The following DIP2C variants were observed in gnomAD, a reference collection of about 807,000 sequenced individuals.
The protein encoded by DIP2C is DIP2 acetate--CoA ligase C (putative).
Under a neutral mutation model 192.4 loss-of-function variants are expected in DIP2C, and 33 were observed. The ratio of observed to expected loss-of-function variants is 0.17; its 90% CI spans 0.13 to 0.23. DIP2C has a LOEUF of 0.23. Among genes scored for constraint, DIP2C ranks in the 10% least tolerant of loss-of-function variants. The pLI, the probability that DIP2C is intolerant of heterozygous loss-of-function variation, is 1.00. For synonymous variants in DIP2C, 979 were observed against 864.1 expected (o/e 1.13, Z -2.33); for missense variants, 1,537 against 2,110.1 (o/e 0.73, Z 5.32).
At chr10:611,919 G>A (rs1853123078) in intron 1 of DIP2C, among the ~76,000 whole-genome samples, 1 of 152,166 alleles carries the variant, frequency 6.6e-6, no homozygotes, top group Non-Finnish European at 1.5e-5. Context: ...TTCAACTGGT[G>A]TCCGAATCCC....
intron 9 of DIP2C, among the ~76,000 whole-genome samples, chr10:408,203 T>C (rs1260318071): frequency 6.6e-6 from 1 of 152,208 alleles, no homozygotes; most frequent in Non-Finnish European, 1.5e-5. Flanking sequence ...GGAAAGGCTG[T>C]CCTTTCCCCG....
At position 327,152 on chromosome 10, in the gene DIP2C, C is replaced by T. The variant is rs776480630; in HGVS notation, c.3778G>A (p.Val1260Met). 14 of 1,613,934 alleles carry T rather than the reference C, an allele frequency of 8.7e-6. No individual in the cohort carries two copies. The African/African-American group carries it at 1.7e-4, about 20-fold the overall frequency. ...LKARGLDLSR[V>M]RTCVVVAEER... Reference sequence around the variant, plus strand: ...TCCGCCACAACCACGCAGGTCCTCACTCGGGACAAGTCCAGCCCTCGCGCC... The same window carrying T: ...TCCGCCACAACCACGCAGGTCCTCATTCGGGACAAGTCCAGCCCTCGCGCC... Residue 1260 changes from valine (V) to methionine (M), a missense_variant, in exon 31 of 37, where the codon GTG becomes ATG. Physicochemically the swap from Val to Met is conservative, Grantham distance 21. This residue lies in a region of DIP2C where 341 missense variants were observed against 551.7 expected (regional missense o/e 0.62). Coordinates refer to ENST00000280886, the MANE Select transcript of DIP2C (RefSeq NM_014974.3).
intron 10 of DIP2C, among the ~76,000 whole-genome samples, chr10:392,852 CCA>C (rs1201325555): frequency 2.0e-5 from 3 of 151,254 alleles, no homozygotes; most frequent in Non-Finnish European, 2.9e-5. Flanking sequence ...ACACACGTCC[CCA>C]CACAATACAC....
chr10:488,006 C>G (rs1399784223), intron 1 of DIP2C, among the ~76,000 whole-genome samples: 1 of 152,352 alleles, frequency 6.6e-6, no homozygotes, highest in African/African-American at 2.4e-5. Flanking sequence ...TTTGGAAATG[C>G]CTTGTTAACC....
At chr10:504,878 C>T (rs548433019) in intron 1 of DIP2C, among the ~76,000 whole-genome samples, 1 of 152,146 alleles carries the variant, frequency 6.6e-6, no homozygotes, top group East Asian at 1.9e-4. Context: ...GTGCTGACCC[C>T]GTCATACTCA....
At chr10:308,814 A>G (rs1469687911) in intron 32 of DIP2C, among the ~76,000 whole-genome samples, 1 of 152,220 alleles carries the variant, frequency 6.6e-6, no homozygotes, top group Admixed American at 6.5e-5. Flanking sequence ...AGGGCCAGGC[A>G]TGCATCTACG....
intron 36 of DIP2C, among the ~76,000 whole-genome samples, chr10:279,521 GAAC>G (rs895322643): frequency 5.3e-5 from 8 of 152,208 alleles, no homozygotes; most frequent in African/African-American, 1.9e-4. Flanking sequence ...TTAATGCTGA[GAAC>G]AACTGATGAG....
chr10:594,265 A>T (rs1050576247), intron 1 of DIP2C, among the ~76,000 whole-genome samples: 4 of 152,148 alleles, frequency 2.6e-5, no homozygotes, highest in Admixed American at 2.0e-4. Context: ...AGCTTCTACA[A>T]ATTCAACTCT....
rs746196462 is a variant in DIP2C, at chr10:580,270, CAT to C, written c.86-93742_86-93741del. Among the ~76,000 whole-genome samples the C allele has an allele frequency of 1.7e-4, 25 of 151,062 alleles. No homozygotes were observed. In the East Asian group the frequency reaches 1.9e-3, roughly 12 times the overall value. Reference sequence around the variant, plus strand: ...GTGTAAAGTATGTACATATGCAGTACATAGTGTATGTACATATGCAGCATGCG... The same window carrying C: ...GTGTAAAGTATGTACATATGCAGTACAGTGTATGTACATATGCAGCATGCG... On this transcript the variant is annotated intron_variant, in intron 1 of 36. Coordinates refer to ENST00000280886, the MANE Select transcript of DIP2C (RefSeq NM_014974.3).
At chr10:421,085 C>T (rs1966152288) in intron 5 of DIP2C, among the ~76,000 whole-genome samples, 1 of 152,128 alleles carries the variant, frequency 6.6e-6, no homozygotes, top group Non-Finnish European at 1.5e-5. Flanking sequence ...CATTATTTTG[C>T]CACTGCTTTT....
At chr10:398,933 C>T (rs1028556960) in intron 10 of DIP2C, among the ~76,000 whole-genome samples, 176 bp downstream of exon 10, 1 of 152,210 alleles carries the variant, frequency 6.6e-6, no homozygotes, top group Non-Finnish European at 1.5e-5. Flanking sequence ...TGTGCTCCAC[C>T]TCCAGGACGC....
At chr10:574,001 G>A (rs950836961) in intron 1 of DIP2C, among the ~76,000 whole-genome samples, 2 of 152,140 alleles carry the variant, frequency 1.3e-5, no homozygotes, top group East Asian at 1.9e-4. Flanking sequence ...TTTCCTCAAC[G>A]GGAACACTTT....
At chr10:573,319 A>T (rs1849936495) in intron 1 of DIP2C, among the ~76,000 whole-genome samples, 1 of 152,234 alleles carries the variant, frequency 6.6e-6, no homozygotes, top group Non-Finnish European at 1.5e-5. Context: ...GATGATTAAG[A>T]AAATTTCAAT....
intron 3 of DIP2C, among the ~76,000 whole-genome samples, chr10:451,935 G>A (rs769280726): frequency 1.8e-5 from 2 of 113,504 alleles, no homozygotes; most frequent in Non-Finnish European, 3.1e-5. Context: ...TCAAAAAACT[G>A]AGAAAACAGT....
chr10:284,021 G>A (rs913780266), intron 34 of DIP2C, among the ~76,000 whole-genome samples: 17 of 152,200 alleles, frequency 1.1e-4, no homozygotes, highest in African/African-American at 2.7e-4. Flanking sequence ...CGATAGCCAC[G>A]TGGGTTACGG....
intron 1 of DIP2C, among the ~76,000 whole-genome samples, chr10:589,000 G>T (rs1024902615): frequency 2.6e-5 from 4 of 152,182 alleles, no homozygotes; most frequent in African/African-American, 9.7e-5. Context: ...CCACCACCTG[G>T]TGCTGAAGAC....
intron 17 of DIP2C, among the ~76,000 whole-genome samples, chr10:382,357 G>A (rs1208562818): frequency 6.6e-6 from 1 of 152,228 alleles, no homozygotes; most frequent in Non-Finnish European, 1.5e-5. Flanking sequence ...GGAAATTGGA[G>A]TAAATTCCAA....
chr10:626,397 A>C (rs1207897595), intron 1 of DIP2C, among the ~76,000 whole-genome samples: 1 of 151,744 alleles, frequency 6.6e-6, no homozygotes, highest in Non-Finnish European at 1.5e-5. Context: ...AGGCACCTGG[A>C]GAAGTGGTGT....
chr10:470,974 G>A (rs142764561), intron 3 of DIP2C, among the ~76,000 whole-genome samples: 5 of 152,292 alleles, frequency 3.3e-5, no homozygotes, highest in East Asian at 1.9e-4. Flanking sequence ...TGAGGGAAGC[G>A]TTGGTCACAG....
Sources: allele counts gnomAD v4.1 joint callset (sites outside exome capture counted in the v4.1 genomes callset), GRCh38; gene constraint gnomAD v4.1.1; regional missense constraint gnomAD v4.1.1; transcripts MANE v1.5; gene names NCBI Gene and HGNC (gene_info 2026-07-23, HGNC 2026-07-21).